The following PCDH15 variants were observed in gnomAD, a reference collection of about 807,000 sequenced individuals.
PCDH15 encodes protocadherin-15.
PCDH15 carries 129 observed loss-of-function variants against 178.5 expected under a neutral mutation model. The ratio of observed to expected loss-of-function variants is 0.72; its 90% CI spans 0.63 to 0.84. The LOEUF is 0.84. Among genes scored for constraint, PCDH15 ranks in the 40% least tolerant of loss-of-function variants. The pLI, the probability that PCDH15 is intolerant of heterozygous loss-of-function variation, is 0.00. For missense variants in PCDH15, 2,230 were observed against 2,099.9 expected (o/e 1.06, Z -1.21); for synonymous variants, 800 against 732.0 (o/e 1.09, Z -1.50).
intron 3 of PCDH15, among the ~76,000 whole-genome samples, chr10:54,876,243 GAA>G (rs1217873823): frequency 1.3e-5 from 2 of 152,276 alleles, no homozygotes; most frequent in East Asian, 1.9e-4. Flanking sequence ...CTACTTCACA[GAA>G]AAAAAAATTT....
chr10:54,946,354 G>C (rs1838199929), intron 2 of PCDH15, among the ~76,000 whole-genome samples: 1 of 151,722 alleles, frequency 6.6e-6, no homozygotes, highest in Admixed American at 6.6e-5. Flanking sequence ...CTCAAAGTAG[G>C]AGTCTCCTCA....
At chr10:54,750,680 A>G (rs1030351962) in intron 1 of PCDH15, among the ~76,000 whole-genome samples, 2 of 152,148 alleles carry the variant, frequency 1.3e-5, no homozygotes, top group African/African-American at 4.8e-5. Flanking sequence ...TTGCATATAC[A>G]TTGTATTCAA....
At chr10:54,949,828 T>G (rs1838291152) in intron 2 of PCDH15, among the ~76,000 whole-genome samples, 1 of 151,942 alleles carries the variant, frequency 6.6e-6, no homozygotes, top group South Asian at 2.1e-4. Context: ...TGCTAAAGCA[T>G]AGGAAAAGTC....
intron 14 of PCDH15, among the ~76,000 whole-genome samples, chr10:54,139,377 C>A (rs1418444364): frequency 6.6e-6 from 1 of 151,854 alleles, no homozygotes; most frequent in Non-Finnish European, 1.5e-5. Context: ...CAGAAGAAAT[C>A]TGGATAAACT....
At position 55,219,030 on chromosome 10, in the gene PCDH15, A is replaced by G. The variant is rs186305238; in HGVS notation, c.-155-52379T>C. On this transcript the variant is annotated intron_variant, in intron 1 of 5. Transcript: ENST00000458638. Reference sequence around the variant, plus strand: ...AGTCTCTGGGAAGCAACATTCTCTCATAATTATCAAGTGACTTTGTTTTAA... The same window carrying G: ...AGTCTCTGGGAAGCAACATTCTCTCGTAATTATCAAGTGACTTTGTTTTAA... Among the ~76,000 whole-genome samples the G allele has an allele frequency of 6.8e-4, 103 of 152,110 alleles. 2 individuals carry two copies. The highest frequency in any genetic ancestry group is 4.6e-3 in the Admixed American group (70 of 15,270).
chr10:54,606,004 C>T (rs1024634768), intron 2 of PCDH15: 6 of 152,082 alleles, frequency 3.9e-5, no homozygotes, highest in South Asian at 2.1e-4. Context: ...TATCCACATG[C>T]CTGTTTAAAA....
intron 2 of PCDH15, among the ~76,000 whole-genome samples, chr10:55,619,515 G>A (rs186317661): frequency 3.6e-4 from 54 of 152,008 alleles, no homozygotes; most frequent in African/African-American, 1.3e-3. Flanking sequence ...GGAAATTTTG[G>A]ACAAAGTTTT....
intron 26 of PCDH15, among the ~76,000 whole-genome samples, chr10:53,868,064 G>T (rs1007059601): frequency 1.7e-4 from 26 of 151,772 alleles, no homozygotes; most frequent in Non-Finnish European, 3.4e-4. Flanking sequence ...CTAATTAGGG[G>T]TAATTTTTTA....
chr10:54,752,521 CAAACAAACA>C (rs370997527), intron 1 of PCDH15, among the ~76,000 whole-genome samples: 2,694 of 58,352 alleles, frequency 0.046, 291 homozygotes, highest in African/African-American at 0.1. Flanking sequence ...AACAAACAAA[CAAACAAACA>C]AAAAAAAACA....
At chr10:54,915,175 T>C (rs1192822742) in intron 2 of PCDH15, among the ~76,000 whole-genome samples, 2 of 152,186 alleles carry the variant, frequency 1.3e-5, no homozygotes, top group African/African-American at 4.8e-5. Flanking sequence ...ACTCATGGAA[T>C]ATATGGAATA....
At chr10:54,275,742 T>C (rs1253501549) in intron 8 of PCDH15, among the ~76,000 whole-genome samples, 1 of 151,534 alleles carries the variant, frequency 6.6e-6, no homozygotes. Context: ...ACAGAAAGGC[T>C]TCTTATAACT....
At chr10:55,207,316 C>G (rs553658981) in intron 1 of PCDH15, among the ~76,000 whole-genome samples, 2 of 152,092 alleles carry the variant, frequency 1.3e-5, no homozygotes, top group East Asian at 3.9e-4. Flanking sequence ...TTACACTCTC[C>G]CCTAAATCTC....
intron 2 of PCDH15, among the ~76,000 whole-genome samples, chr10:55,357,948 C>A (rs1845121190): frequency 6.6e-6 from 1 of 151,990 alleles, no homozygotes; most frequent in African/African-American, 2.4e-5. Context: ...ATAGCAAGCA[C>A]CTGGTGCCAA....
rs780122439 is a variant in PCDH15 at position 54,607,870 on chromosome 10, C to A, written c.91+56302G>T. The A allele has an allele frequency of 2.5e-5, 13 of 529,126 alleles. 1 individual carries two copies. Among genetic ancestry groups the A allele is most frequent in the South Asian group, 1.8e-4 (13 of 71,256 alleles). The allele number at this position is 529,126 out of a possible 1,614,324, so 32.8% of individuals were successfully genotyped here. Reference sequence around the variant, plus strand: ...CTACTGTGAGCAAGACACTGCTAATCAGGCTATTAGGTTGGTCCAAAAGTA... The same window carrying A: ...CTACTGTGAGCAAGACACTGCTAATAAGGCTATTAGGTTGGTCCAAAAGTA... On this transcript the variant is annotated intron_variant, in intron 2 of 37. Coordinates refer to ENST00000644397, the MANE Select transcript of PCDH15 (RefSeq NM_001384140.1).
At chr10:55,132,636 A>T (rs7915203) in intron 2 of PCDH15, among the ~76,000 whole-genome samples, 23,231 of 152,156 alleles carry the variant, frequency 0.15, 2,890 homozygotes, top group African/African-American at 0.35. Flanking sequence ...AAAAGAATTT[A>T]AAAAAAGCAG....
At chr10:54,142,522 G>A (rs576350276) in intron 14 of PCDH15, among the ~76,000 whole-genome samples, 1 of 152,212 alleles carries the variant, frequency 6.6e-6, no homozygotes, top group Admixed American at 6.5e-5. Flanking sequence ...GACAAACTCA[G>A]TTCAGAGTTT....
intron 2 of PCDH15, among the ~76,000 whole-genome samples, chr10:55,462,844 T>G (rs2132094647): frequency 6.6e-6 from 1 of 152,230 alleles, no homozygotes; most frequent in South Asian, 2.1e-4. Context: ...TCCAAAATAT[T>G]TTGAGAATCA....
intron 2 of PCDH15, among the ~76,000 whole-genome samples, chr10:55,480,675 T>G (rs952621694): frequency 3.9e-5 from 6 of 151,906 alleles, no homozygotes; most frequent in African/African-American, 1.4e-4. Flanking sequence ...ATTCTTGGGA[T>G]GAAGCCTATT....
chr10:54,350,173 G>A (rs1051689621), intron 5 of PCDH15, among the ~76,000 whole-genome samples: 3 of 152,084 alleles, frequency 2.0e-5, no homozygotes, highest in African/African-American at 7.2e-5. Flanking sequence ...AAGCATTAGT[G>A]TAATAGCAAT....
Sources: gnomAD v4.1 joint callset for allele counts (sites outside exome capture counted in the v4.1 genomes callset) on GRCh38, gnomAD v4.1.1 for gene constraint, MANE v1.5 for transcripts, NCBI Gene and HGNC (gene_info 2026-07-23, HGNC 2026-07-21) for gene names.